The following ILDR1 variants were observed in gnomAD, a reference collection of about 807,000 sequenced individuals.
ILDR1 encodes the protein immunoglobulin like domain containing receptor 1.
ILDR1 carries 56 observed loss-of-function variants against 62.4 expected under a neutral mutation model. The ratio of observed to expected loss-of-function variants is 0.90; its 90% CI spans 0.72 to 1.12. The LOEUF (loss-of-function observed/expected upper bound fraction) is 1.12. Among genes scored for constraint, ILDR1 ranks in the 50% most tolerant of loss-of-function variants. The probability of loss-of-function intolerance (pLI) is 0.00; values close to 1 mark genes in which losing one functional copy is unlikely to be tolerated. For synonymous variants in ILDR1, 284 were observed against 277.8 expected, an observed-to-expected ratio of 1.02 and a Z score of -0.22; for missense variants, 736 against 710.6, an observed-to-expected ratio of 1.04 and a Z score of -0.41.
At chr3:122,054,399 T>TG in the ILDR1 span, among the ~76,000 whole-genome samples, 1 of 152,242 alleles carries the variant, frequency 6.6e-6, no homozygotes, top group African/African-American at 2.4e-5. Flanking sequence ...GTATTTCTGT[T>TG]GCAGTTGTTG....
Position 121,989,471 on chromosome 3 carries a change from CACAGTGGTTTTCTCTTGTATTAGA to C in ILDR1, c.1600-1087_1600-1064del, listed in dbSNP as rs553761574. On this transcript the variant is annotated intron_variant, in intron 7 of 7. Transcript: ENST00000344209. ...TGAATTTAGCTTGGAGAAGAAAGAA[CACAGTGGTTTTCTCTTGTATTAGA>C]ACAGGTGTATACCGGCCAAGTTTGG... is the stretch of plus-strand genomic sequence containing the variant. Among the ~76,000 whole-genome samples the C allele has an allele frequency of 3.9e-5, 6 of 152,296 alleles. No individual in the cohort carries two copies. In the South Asian group the frequency reaches 1.2e-3, roughly 32 times the overall value.
At chr3:122,031,674 C>G in the ILDR1 span, among the ~76,000 whole-genome samples, 1 of 152,076 alleles carries the variant, frequency 6.6e-6, no homozygotes, top group Non-Finnish European at 1.5e-5. Context: ...TGTAAGAACT[C>G]AGAGAGAAGA....
At chr3:122,015,868 C>G (rs954681227) in intron 1 of ILDR1, among the ~76,000 whole-genome samples, 3 of 152,172 alleles carry the variant, frequency 2.0e-5, no homozygotes, top group African/African-American at 7.2e-5. Flanking sequence ...TTATGTCCAG[C>G]CTCCATATCA....
intron 7 of ILDR1, among the ~76,000 whole-genome samples, chr3:121,991,242 T>G (rs2071341126): frequency 1.3e-5 from 2 of 152,180 alleles, no homozygotes; most frequent in African/African-American, 4.8e-5. Context: ...TTAAAGGGCT[T>G]ATCCAGTGTC....
At chr3:121,997,591 T>C (rs557006616) in intron 5 of ILDR1, among the ~76,000 whole-genome samples, 35 of 152,302 alleles carry the variant, frequency 2.3e-4, no homozygotes, top group Non-Finnish European at 4.4e-4. Flanking sequence ...CTAGGTTTAG[T>C]CCAGGGCCCA....
the ILDR1 span, among the ~76,000 whole-genome samples, chr3:122,061,137 C>A: frequency 2.0e-5 from 3 of 152,126 alleles, no homozygotes; most frequent in African/African-American, 7.2e-5. Flanking sequence ...GTTAAGTGAA[C>A]CAATTAGTCA....
chr3:122,041,006 C>G, the ILDR1 span, among the ~76,000 whole-genome samples: 1 of 152,126 alleles, frequency 6.6e-6, no homozygotes, highest in Admixed American at 6.5e-5. Flanking sequence ...TTGCAAAAGA[C>G]ATATTTAATT....
chr3:122,012,211 C>T (rs1027621731), intron 1 of ILDR1, among the ~76,000 whole-genome samples: 2 of 152,176 alleles, frequency 1.3e-5, no homozygotes, highest in Non-Finnish European at 2.9e-5. Context: ...CCCAAAGCAG[C>T]AAATCAGGCT....
At chr3:122,046,907 T>C in the ILDR1 span, among the ~76,000 whole-genome samples, 132,991 of 140,920 alleles carry the variant, frequency 0.94, 63,125 homozygotes, top group East Asian at 1. Flanking sequence ...CTGAAGCCTT[T>C]TTCTCTCAGC....
Position 121,988,424 on chromosome 3 carries a change from A to C in ILDR1, c.1600-16T>G, listed in dbSNP as rs777673137. ...TGTCTTTCTCCTGGGAAATAGAAGA[A>C]TACACACACAAAAAAAATCCAGTCA... On this transcript the variant is annotated splice_polypyrimidine_tract_variant and intron_variant, in intron 7 of 7. Coordinates refer to ENST00000344209, the MANE Select transcript of ILDR1 (RefSeq NM_001199799.2). 6.2e-7 allele frequency: 1 copy of C among 1,609,702 alleles called. No individual in the cohort carries two copies. The highest frequency in any genetic ancestry group is 1.7e-5 in the Admixed American group (1 of 60,022).
intron 1 of ILDR1, among the ~76,000 whole-genome samples, chr3:122,008,597 T>TC (rs1264151555): frequency 2.5e-4 from 7 of 28,010 alleles, no homozygotes; most frequent in Non-Finnish European, 4.2e-4. Flanking sequence ...TCTTTTCTTT[T>TC]TTTTTTTTTT....
At chr3:122,010,090 G>A (rs149092671) in intron 1 of ILDR1, among the ~76,000 whole-genome samples, 1 of 151,400 alleles carries the variant, frequency 6.6e-6, no homozygotes, top group Non-Finnish European at 1.5e-5. Flanking sequence ...TGAGAAGTAG[G>A]AAGAAGGCAG....
the ILDR1 span, among the ~76,000 whole-genome samples, chr3:122,042,972 G>A: frequency 0.046 from 6,801 of 147,984 alleles, 341 homozygotes; most frequent in African/African-American, 0.13. Context: ...TTGGTGTTTT[G>A]GACATGAAGT....
intron 5 of ILDR1, among the ~76,000 whole-genome samples, chr3:121,999,948 CACTA>C (rs1370293788): frequency 6.6e-6 from 1 of 152,046 alleles, no homozygotes; most frequent in Non-Finnish European, 1.5e-5. Context: ...ATTTGCTGGG[CACTA>C]ACTAAAGTTT....
At chr3:121,995,046 C>A (rs2071416149) in intron 5 of ILDR1, among the ~76,000 whole-genome samples, 2 of 152,056 alleles carry the variant, frequency 1.3e-5, no homozygotes, top group South Asian at 2.1e-4. Context: ...CAAAGAAAAT[C>A]ATATAAAAAA....
intron 5 of ILDR1, among the ~76,000 whole-genome samples, chr3:121,998,232 C>T (rs1011599247): frequency 1.3e-5 from 2 of 152,234 alleles, no homozygotes; most frequent in African/African-American, 4.8e-5. Flanking sequence ...CCAGCTTCAT[C>T]ACTCATCAGT....
At chr3:122,059,245 G>C in the ILDR1 span, among the ~76,000 whole-genome samples, 2 of 152,190 alleles carry the variant, frequency 1.3e-5, no homozygotes, top group East Asian at 3.8e-4. Flanking sequence ...GGTCAATTCA[G>C]TAGCAGAGAG....
Position 121,993,189 on chromosome 3 carries a change from G to T in ILDR1, c.1560C>A (p.Gly520=), listed in dbSNP as rs369318229. 44 of 1,612,616 alleles carry T rather than the reference G, an allele frequency of 2.7e-5. No individual in the cohort carries two copies. Among genetic ancestry groups the T allele is most frequent in the East Asian group, 2.0e-4 (9 of 44,846 alleles). ...CACTCCCTTTTTTCCTGCTATTCTTGCCTGGAGTGATATCAAGTGAGCGGT... is the reference window on the plus strand; with the variant it reads ...CACTCCCTTTTTTCCTGCTATTCTTTCCTGGAGTGATATCAAGTGAGCGGT... ...PSYRSLDITP[G]KNSRKKGSVE... Residue 520 remains glycine, a synonymous_variant, in exon 7 of 8, where the codon GGC becomes GGA. Coordinates refer to ENST00000344209, the MANE Select transcript of ILDR1 (RefSeq NM_001199799.2).
chr3:122,035,448 A>G, the ILDR1 span, among the ~76,000 whole-genome samples: 1 of 152,178 alleles, frequency 6.6e-6, no homozygotes, highest in African/African-American at 2.4e-5. Flanking sequence ...TTTCCCCAAA[A>G]AAAAGACACC....
Sources: gnomAD v4.1 joint callset for allele counts (sites outside exome capture counted in the v4.1 genomes callset) on GRCh38, gnomAD v4.1.1 for gene constraint, MANE v1.5 for transcripts, NCBI Gene and HGNC (gene_info 2026-07-23, HGNC 2026-07-21) for gene names.